The following RXYLT1 variants were observed in gnomAD, a reference collection of about 807,000 sequenced individuals.
The protein encoded by RXYLT1 is ribitol-5-phosphate xylosyltransferase 1.
RXYLT1 carries 41 observed loss-of-function variants against 43.5 expected under a neutral mutation model. The observed-to-expected ratio is 0.94, with a 90% CI of 0.73 to 1.22. RXYLT1 has a LOEUF of 1.22. RXYLT1 is among the 50% of genes most tolerant of loss of function. The pLI is 0.00. For missense variants in RXYLT1, 514 were observed against 532.0 expected, an observed-to-expected ratio of 0.97 and a Z score of 0.33; for synonymous variants, 166 against 194.4, an observed-to-expected ratio of 0.85 and a Z score of 1.21.
chr12:63,799,844 G>A (rs1441357522), intron 3 of RXYLT1, among the ~76,000 whole-genome samples: 2 of 151,944 alleles, frequency 1.3e-5, no homozygotes, highest in Non-Finnish European at 2.9e-5. Flanking sequence ...CAAAGTATTC[G>A]TATGCTACCA....
intron 1 of RXYLT1, 30 bp downstream of exon 1, chr12:63,780,159 C>T (rs1237896173): frequency 7.0e-7 from 1 of 1,433,092 alleles, no homozygotes; most frequent in Non-Finnish European, 9.0e-7. Flanking sequence ...TTCCTTCCGG[C>T]TCTGCGCTCC....
At chr12:63,790,974 T>C (rs1410073308) in intron 3 of RXYLT1, among the ~76,000 whole-genome samples, 1 of 152,246 alleles carries the variant, frequency 6.6e-6, no homozygotes, top group Non-Finnish European at 1.5e-5. Context: ...TATTTTAGTG[T>C]TCCTTAACTA....
intron 3 of RXYLT1, among the ~76,000 whole-genome samples, chr12:63,791,035 CT>C (rs1363083473): frequency 6.6e-6 from 1 of 152,148 alleles, no homozygotes; most frequent in African/African-American, 2.4e-5. Context: ...GTTTCCATTA[CT>C]GTCTCTTACC....
chr12:63,799,221 A>G (rs555984651), intron 3 of RXYLT1, among the ~76,000 whole-genome samples: 2 of 152,190 alleles, frequency 1.3e-5, no homozygotes, highest in African/African-American at 4.8e-5. Context: ...TTCCTTTCAC[A>G]TGAAAGTTAC....
chr12:63,782,553 G>A (rs1188910643), intron 2 of RXYLT1: 13 of 456,476 alleles, frequency 2.8e-5, no homozygotes, highest in Admixed American at 2.3e-4. Flanking sequence ...CAAGCTGGCA[G>A]CGTTTCTGCT....
intron 4 of RXYLT1, chr12:63,803,876 CGAA>C (rs1208745944): frequency 2.3e-5 from 3 of 130,970 alleles, no homozygotes; most frequent in African/African-American, 8.8e-5. Context: ...TTTTTTGAGA[CGAA>C]GTCTTGCTCT....
intron 4 of RXYLT1, chr12:63,803,907 T>C (rs1592855051): frequency 1.3e-5 from 2 of 150,898 alleles, no homozygotes; most frequent in Admixed American, 1.3e-4. Flanking sequence ...CAGCTGGAGT[T>C]CAGTGGCACG....
chr12:63,781,307 G>A lies in RXYLT1; in HGVS notation c.325+133G>A, dbSNP rs1430228609. 8.8e-6 allele frequency: 8 copies of A among 911,666 alleles called. No individual in the cohort carries two copies. In the African/African-American group the frequency reaches 1.4e-4, roughly 16 times the overall value. The allele number at this position is 911,666 out of a possible 1,614,324, so 56.5% of individuals were successfully genotyped here. ...ATCATGATATATTTTTTCGCTTTTT[G>A]TCAATAATTCCTTTCTCCTTCCAAT... On this transcript the variant is annotated intron_variant, in intron 2 of 5. Transcript: ENST00000261234.
chr12:63,784,887 G>T, intron 2 of RXYLT1, 83 bp from the exon 3 acceptor site: 1 of 1,218,354 alleles, frequency 8.2e-7, no homozygotes, highest in Non-Finnish European at 1.2e-6. Flanking sequence ...ATGAGTAAAA[G>T]AACAGAACGT....
intron 3 of RXYLT1, among the ~76,000 whole-genome samples, chr12:63,790,851 G>GT (rs1358369863): frequency 6.6e-6 from 1 of 152,194 alleles, no homozygotes; most frequent in Non-Finnish European, 1.5e-5. Context: ...TTTAAGGCAA[G>GT]TAGTAGTTCA....
At chr12:63,790,527 T>G (rs994891012) in intron 3 of RXYLT1, 2 of 152,176 alleles carry the variant, frequency 1.3e-5, no homozygotes, top group African/African-American at 4.8e-5. Flanking sequence ...TTGTTCAAAT[T>G]CTTTTATTTT....
chr12:63,805,569 AT>A, intron 5 of RXYLT1, 165 bp downstream of exon 5: 1 of 613,892 alleles, frequency 1.6e-6, no homozygotes, highest in Non-Finnish European at 2.5e-6. Flanking sequence ...GGTTGTACAC[AT>A]TTAGAATAGA....
chr12:63,787,400 C>T (rs1897827335), intron 3 of RXYLT1, among the ~76,000 whole-genome samples: 1 of 152,194 alleles, frequency 6.6e-6, no homozygotes, highest in African/African-American at 2.4e-5. Context: ...ACTTCCTCCA[C>T]TTAAATCTCG....
rs1361140523 is a variant in RXYLT1, at chr12:63,786,011, T to C, written c.428+939T>C. On this transcript the variant is annotated intron_variant, in intron 3 of 5. Transcript: ENST00000261234. ...TTAAAATTATCATTGGTAATGATTA[T>C]TTTTCCTTTCATCTTCATGCTTCTG... is the stretch of plus-strand genomic sequence containing the variant. 2.0e-5 allele frequency among the ~76,000 whole-genome samples: 3 copies of C among 152,308 alleles called. No homozygotes were observed. The East Asian group carries it at 5.8e-4, about 29-fold the overall frequency.
At chr12:63,784,392 C>G (rs1217159812) in intron 2 of RXYLT1, among the ~76,000 whole-genome samples, 2 of 152,128 alleles carry the variant, frequency 1.3e-5, no homozygotes, top group African/African-American at 4.8e-5. Context: ...AGCTTTCATT[C>G]AGGTGAAATC....
At chr12:63,806,271 G>C (rs1898289406) in intron 5 of RXYLT1, 1 of 152,226 alleles carries the variant, frequency 6.6e-6, no homozygotes, top group Non-Finnish European at 1.5e-5. Flanking sequence ...GCACTTAAAT[G>C]CTTGTTGGAG....
At chr12:63,785,980 A>C (rs2136222471) in intron 3 of RXYLT1, among the ~76,000 whole-genome samples, 1 of 152,246 alleles carries the variant, frequency 6.6e-6, no homozygotes, top group East Asian at 1.9e-4. Flanking sequence ...AAAAGTAAAC[A>C]GGTTTTTAAA....
intron 5 of RXYLT1, chr12:63,807,050 TGAA>T (rs1209536742): frequency 6.6e-6 from 1 of 152,330 alleles, no homozygotes; most frequent in Non-Finnish European, 1.5e-5. Flanking sequence ...CTGCACCTTC[TGAA>T]CATGATCTCA....
chr12:63,793,907 C>A (rs1897972594), intron 3 of RXYLT1, among the ~76,000 whole-genome samples: 1 of 152,184 alleles, frequency 6.6e-6, no homozygotes, highest in Non-Finnish European at 1.5e-5. Context: ...ATTAGAACAT[C>A]AAGTAAACAA....
Sources: gnomAD v4.1 joint callset for allele counts (sites outside exome capture counted in the v4.1 genomes callset) on GRCh38, gnomAD v4.1.1 for gene constraint, MANE v1.5 for transcripts, NCBI Gene and HGNC (gene_info 2026-07-23, HGNC 2026-07-21) for gene names.